ASB3: variants seen among roughly 807,000 people sequenced by gnomAD.
ASB3 encodes the protein ankyrin repeat and SOCS box protein 3.
Under a neutral mutation model 54.5 loss-of-function variants are expected in ASB3, and 41 were observed. The ratio of observed to expected loss-of-function variants is 0.75; its 90% CI spans 0.59 to 0.98. ASB3 has a LOEUF of 0.98. ASB3 is among the 50% of genes least tolerant of loss of function. The pLI is 0.00. For synonymous variants in ASB3, 266 were observed against 221.2 expected, an observed-to-expected ratio of 1.20 and a Z score of -1.80; for missense variants, 733 against 620.0, an observed-to-expected ratio of 1.18 and a Z score of -1.94.
At chr2:53,682,663 G>T (rs969212661) in intron 9 of ASB3, among the ~76,000 whole-genome samples, 3 of 152,026 alleles carry the variant, frequency 2.0e-5, no homozygotes, top group African/African-American at 7.2e-5. Flanking sequence ...TTTTAGTAGA[G>T]ATGGGGTTTC....
At chr2:53,764,819 C>T in intron 2 of ASB3, among the ~76,000 whole-genome samples, 1 of 152,156 alleles carries the variant, frequency 6.6e-6, no homozygotes, top group East Asian at 1.9e-4. Context: ...TTTATTATCT[C>T]TACTTTGTTT....
intron 7 of ASB3, among the ~76,000 whole-genome samples, chr2:53,706,762 T>C (rs1259743935): frequency 5.3e-5 from 8 of 152,066 alleles, no homozygotes; most frequent in Non-Finnish European, 1.2e-4. Context: ...AGTTTCTTAA[T>C]AGGAAGTCTT....
chr2:53,690,083 A>G (rs1668829292), intron 9 of ASB3, among the ~76,000 whole-genome samples: 1 of 151,926 alleles, frequency 6.6e-6, no homozygotes, highest in Non-Finnish European at 1.5e-5. Context: ...AAAAAATACA[A>G]AAATTAGCTG....
rs1470500293 is a variant in ASB3 at position 53,694,253 on chromosome 2, C to A, written c.1239-239G>T. On this transcript the variant is annotated intron_variant, in intron 8 of 9. Coordinates refer to ENST00000263634, the MANE Select transcript of ASB3 (RefSeq NM_016115.5). Reference sequence around the variant, plus strand: ...GCTGTCTAAGAGATGACAAGAGGAACCTCAGAGAGAGTAGGAACTTTCCTT... The same window carrying A: ...GCTGTCTAAGAGATGACAAGAGGAAACTCAGAGAGAGTAGGAACTTTCCTT... 14 of 383,422 alleles carry A rather than the reference C, an allele frequency of 3.7e-5. No homozygotes were observed. In the South Asian group the frequency reaches 5.2e-4, roughly 14 times the overall value. The allele number at this position is 383,422 out of a possible 1,614,324, so 23.8% of individuals were successfully genotyped here.
At chr2:53,705,653 CA>C (rs977867888) in intron 7 of ASB3, among the ~76,000 whole-genome samples, 1 of 152,106 alleles carries the variant, frequency 6.6e-6, no homozygotes, top group Non-Finnish European at 1.5e-5. Context: ...TATTAATTTA[CA>C]TATTTTTTCT....
intron 7 of ASB3, among the ~76,000 whole-genome samples, chr2:53,707,938 G>T (rs1669877737): frequency 6.7e-6 from 1 of 149,586 alleles, no homozygotes; most frequent in Admixed American, 6.7e-5. Flanking sequence ...CTCCAGCCTG[G>T]GTGATAGAGT....
chr2:53,725,858 GT>G (rs1421166085), intron 5 of ASB3, among the ~76,000 whole-genome samples: 1 of 151,970 alleles, frequency 6.6e-6, no homozygotes, highest in Non-Finnish European at 1.5e-5. Flanking sequence ...TAGGGTAGAT[GT>G]TTCACCCACT....
chr2:53,700,382 T>C lies in ASB3; in HGVS notation c.1127A>G (p.His376Arg), dbSNP rs1669419838. 1 of 1,614,126 alleles carries C rather than the reference T, an allele frequency of 6.2e-7. No individual in the cohort carries two copies. Among genetic ancestry groups the C allele is most frequent in the Non-Finnish European group, 8.5e-7 (1 of 1,180,006 alleles). Residue 376 changes from histidine to arginine, a missense_variant, in exon 8 of 10, where the codon CAT becomes CGT. Coordinates refer to ENST00000263634, the MANE Select transcript of ASB3 (RefSeq NM_016115.5). Reference sequence around the variant, plus strand: ...TGCATGATTTACAAATTCATATATATGGTTCCATGGTCCCAATGAGCAACC... The same window carrying C: ...TGCATGATTTACAAATTCATATATACGGTTCCATGGTCCCAATGAGCAACC... Reference protein sequence around the residue: ...RKGCSLGPWNHIYEFVNHAIK... With the variant: ...RKGCSLGPWNRIYEFVNHAIK...
chr2:53,734,397 T>C (rs914454868), intron 3 of ASB3, among the ~76,000 whole-genome samples: 5 of 152,212 alleles, frequency 3.3e-5, no homozygotes, highest in African/African-American at 1.2e-4. Context: ...TCACTTTCTT[T>C]TTTTACCACT....
intron 7 of ASB3, among the ~76,000 whole-genome samples, chr2:53,708,110 G>T (rs986965463): frequency 6.6e-6 from 1 of 152,184 alleles, no homozygotes; most frequent in South Asian, 2.1e-4. Context: ...AGTGTTGAAG[G>T]TGGGGCTTGG....
At chr2:53,671,476 T>C (rs1167963722) in intron 9 of ASB3, among the ~76,000 whole-genome samples, 4 of 151,896 alleles carry the variant, frequency 2.6e-5, no homozygotes, top group African/African-American at 9.7e-5. Context: ...AACTGTATGA[T>C]AGGCCAGGCG....
chr2:53,753,123 T>A (rs529718400), intron 2 of ASB3, among the ~76,000 whole-genome samples: 1 of 151,824 alleles, frequency 6.6e-6, no homozygotes, highest in Non-Finnish European at 1.5e-5. Flanking sequence ...AAGAATCTAA[T>A]TGAATTACAA....
intron 1 of ASB3, among the ~76,000 whole-genome samples, chr2:53,766,002 T>C (rs1213548267): frequency 5.9e-5 from 9 of 152,106 alleles, no homozygotes; most frequent in Admixed American, 3.9e-4. Flanking sequence ...GAGATGGCCA[T>C]TCAACTACCA....
chr2:53,701,132 C>T (rs1487903883), intron 7 of ASB3, among the ~76,000 whole-genome samples: 1 of 152,074 alleles, frequency 6.6e-6, no homozygotes, highest in Non-Finnish European at 1.5e-5. Flanking sequence ...TGCCACCATG[C>T]CTGGCTAATT....
At chr2:53,699,756 G>C (rs919426626) in intron 8 of ASB3, among the ~76,000 whole-genome samples, 1 of 152,162 alleles carries the variant, frequency 6.6e-6, no homozygotes, top group Non-Finnish European at 1.5e-5. Flanking sequence ...AAAAAATTCT[G>C]ACTCGGCGTT....
Position 53,729,473 on chromosome 2 carries a change from G to A in ASB3, c.453C>T (p.His151=), listed in dbSNP as rs758422060. 6.2e-7 allele frequency: 1 copy of A among 1,613,842 alleles called. No homozygotes were observed. The highest frequency in any genetic ancestry group is 1.1e-5 in the South Asian group (1 of 91,068). The part of the protein sequence containing the change: ...SHSMCGWNSL[H]QASFQENAEI... The stretch of plus-strand genomic sequence containing the variant: ...CAGAGGTTACCTGAAAAGAAGCCTG[G>A]TGCAAGGAGTTCCATCCACACATAG... Residue 151 remains histidine, a synonymous_variant, in exon 4 of 10, where the codon CAC becomes CAT. Coordinates refer to ENST00000263634, the MANE Select transcript of ASB3 (RefSeq NM_016115.5).
At chr2:53,737,724 GA>G (rs543660229) in intron 3 of ASB3, among the ~76,000 whole-genome samples, 12,342 of 63,910 alleles carry the variant, frequency 0.19, 496 homozygotes, top group Non-Finnish European at 0.25. Context: ...TTTAAAAAAG[GA>G]AAAAAAAAAA....
intron 6 of ASB3, 21 bp from the exon 7 acceptor site, chr2:53,714,602 G>A: frequency 6.2e-7 from 1 of 1,611,396 alleles, no homozygotes. Context: ...ACAAATTCAG[G>A]AGAATTTAGT....
At chr2:53,680,114 T>G (rs1208561180) in intron 9 of ASB3, among the ~76,000 whole-genome samples, 1 of 152,236 alleles carries the variant, frequency 6.6e-6, no homozygotes, top group Non-Finnish European at 1.5e-5. Flanking sequence ...ATGGTGCGTA[T>G]GTACCACATT....
Sources: allele counts gnomAD v4.1 joint callset (sites outside exome capture counted in the v4.1 genomes callset), GRCh38; gene constraint gnomAD v4.1.1; transcripts MANE v1.5; gene names NCBI Gene and HGNC (gene_info 2026-07-23, HGNC 2026-07-21).